PROM1: variants seen among roughly 807,000 people sequenced by gnomAD.
PROM1 encodes the protein prominin-1.
PROM1 carries 105 observed loss-of-function variants against 116.9 expected under a neutral mutation model. The ratio of observed to expected loss-of-function variants is 0.90; its 90% CI spans 0.77 to 1.06. PROM1 has a LOEUF of 1.06. Ranked by LOEUF, PROM1 falls within the 50% of genes least tolerant of loss-of-function variation. The pLI, the probability that PROM1 is intolerant of heterozygous loss-of-function variation, is 0.00. For missense variants in PROM1, 1,122 were observed against 1,045.2 expected (o/e 1.07, Z -1.01); for synonymous variants, 393 against 387.0 (o/e 1.02, Z -0.18).
chr4:16,014,323 G>A (rs945994286), intron 10 of PROM1, among the ~76,000 whole-genome samples: 1 of 152,226 alleles, frequency 6.6e-6, no homozygotes, highest in Admixed American at 6.5e-5. Context: ...CGGTGCTTGT[G>A]TTGGTTTTCT....
At chr4:16,051,920 T>C (rs1352067200) in intron 2 of PROM1, among the ~76,000 whole-genome samples, 1 of 152,172 alleles carries the variant, frequency 6.6e-6, no homozygotes, top group Non-Finnish European at 1.5e-5. Context: ...AATACAAACA[T>C]GACATCTTCT....
intron 9 of PROM1, among the ~76,000 whole-genome samples, chr4:16,016,519 C>T (rs2531155): frequency 0.48 from 72,551 of 152,030 alleles, 19,914 homozygotes; most frequent in East Asian, 0.83. Context: ...GACTTCACAA[C>T]TTCAAATACT....
At chr4:15,994,456 T>C (rs1469685223) in intron 15 of PROM1, among the ~76,000 whole-genome samples, 3 of 152,202 alleles carry the variant, frequency 2.0e-5, no homozygotes, top group Admixed American at 6.5e-5. Context: ...CATTAAATGA[T>C]TCTATGAAGC....
intron 2 of PROM1, among the ~76,000 whole-genome samples, chr4:16,066,926 G>C (rs1741671504): frequency 6.6e-6 from 1 of 152,124 alleles, no homozygotes; most frequent in East Asian, 1.9e-4. Context: ...TATTTATGTA[G>C]GGCAAGATAG....
At chr4:15,972,582 G>A (rs1714867150) in intron 26 of PROM1, among the ~76,000 whole-genome samples, 1 of 152,182 alleles carries the variant, frequency 6.6e-6, no homozygotes, top group Non-Finnish European at 1.5e-5. Flanking sequence ...ATCTCAACAT[G>A]AGTTTTGGAG....
At chr4:16,023,795 C>T (rs183245931) in intron 7 of PROM1, among the ~76,000 whole-genome samples, 8 of 152,202 alleles carry the variant, frequency 5.3e-5, no homozygotes, top group African/African-American at 1.9e-4. Flanking sequence ...GTTGGTAGCA[C>T]TGTCCCCACC....
intron 22 of PROM1, among the ~76,000 whole-genome samples, chr4:15,985,036 TA>T (rs1718977472): frequency 6.6e-6 from 1 of 152,352 alleles, no homozygotes; most frequent in South Asian, 2.1e-4. Flanking sequence ...CGGCCCTCCA[TA>T]TCCCTGAATT....
chr4:15,995,341 G>A (rs115775225), intron 15 of PROM1, among the ~76,000 whole-genome samples: 3,456 of 151,020 alleles, frequency 0.023, 56 homozygotes, highest in South Asian at 0.034. Context: ...CGAAGAAGAC[G>A]AAGAAGAAGA....
chr4:16,030,937 T>C (rs1319719858), intron 5 of PROM1, among the ~76,000 whole-genome samples: 2 of 151,794 alleles, frequency 1.3e-5, no homozygotes, highest in African/African-American at 2.4e-5. Context: ...TCCCAGCTAC[T>C]AGGAAGGCTG....
chr4:15,975,242 C>A (rs116835240), intron 26 of PROM1, among the ~76,000 whole-genome samples: 370 of 152,244 alleles, frequency 2.4e-3, no homozygotes, highest in Middle Eastern at 0.014. Flanking sequence ...TTTATTGAGA[C>A]GGAGTCTCAC....
intron 2 of PROM1, among the ~76,000 whole-genome samples, chr4:16,072,144 G>T (rs1240054595): frequency 6.6e-6 from 1 of 152,044 alleles, no homozygotes; most frequent in Non-Finnish European, 1.5e-5. Context: ...AATCTCTTCT[G>T]CCCAGGAAGT....
intron 12 of PROM1, among the ~76,000 whole-genome samples, chr4:16,006,990 A>G (rs1190636779): frequency 6.6e-6 from 1 of 152,190 alleles, no homozygotes; most frequent in Admixed American, 6.5e-5. Flanking sequence ...AGGGTTCATA[A>G]GCACAGCACA....
intron 13 of PROM1, among the ~76,000 whole-genome samples, chr4:16,005,999 A>G (rs1446674341): frequency 6.6e-6 from 1 of 152,232 alleles, no homozygotes; most frequent in African/African-American, 2.4e-5. Context: ...TGCCGCAGGC[A>G]TACCTCTCCC....
chr4:15,995,365 G>C (rs1055894271), intron 15 of PROM1, among the ~76,000 whole-genome samples: 1 of 150,926 alleles, frequency 6.6e-6, no homozygotes, highest in South Asian at 2.1e-4. Flanking sequence ...AGGAGGAGGA[G>C]GAAAAGAAGA....
chr4:15,992,789 G>C (rs1322369869), intron 16 of PROM1, among the ~76,000 whole-genome samples: 1 of 152,186 alleles, frequency 6.6e-6, no homozygotes, highest in Non-Finnish European at 1.5e-5. Flanking sequence ...AGCTGAAAGG[G>C]ACACAGGGTA....
In PROM1 at chr4:16,067,073, T is replaced by C. The variant is rs1217644969; in HGVS notation, c.220+8614A>G. On this transcript the variant is annotated intron_variant, in intron 2 of 27. Coordinates refer to ENST00000447510, the MANE Select transcript of PROM1 (RefSeq NM_006017.3). Reference sequence around the variant, plus strand: ...AAGATTAGAAGTATCTATTATAATCTGCAGACACGTCACCTGCCACTCAAA... The same window carrying C: ...AAGATTAGAAGTATCTATTATAATCCGCAGACACGTCACCTGCCACTCAAA... Among the ~76,000 whole-genome samples, 141 of 152,340 alleles carry C rather than the reference T, an allele frequency of 9.3e-4. 1 individual carries two copies. Among genetic ancestry groups the C allele is most frequent in the Non-Finnish European group, 1.0e-4 (7 of 68,032 alleles).
In PROM1 at chr4:16,075,922, C is replaced by T; in HGVS notation, c.-16G>A. The T allele has an allele frequency of 6.3e-7, 1 of 1,592,804 alleles. No homozygotes were observed. The highest frequency in any genetic ancestry group is 8.6e-7 in the Non-Finnish European group (1 of 1,167,880). On this transcript the variant is annotated 5_prime_UTR_variant, in exon 2 of 28. Transcript: ENST00000447510. ...CGAGGGCCATAGCTAGCAAGATCCT[C>T]CAAACATGAGGTAGAACTTGGTGCC... is the stretch of plus-strand genomic sequence containing the variant.
chr4:15,999,200 T>G (rs140021506), intron 14 of PROM1, among the ~76,000 whole-genome samples: 4,078 of 151,344 alleles, frequency 0.027, 166 homozygotes, highest in African/African-American at 0.092. Context: ...GGCCGGGCGC[T>G]GTGGCTCACG....
chr4:16,050,986 CAAAAT>C (rs762220312), intron 2 of PROM1, among the ~76,000 whole-genome samples: 2 of 152,116 alleles, frequency 1.3e-5, no homozygotes, highest in Non-Finnish European at 2.9e-5. Flanking sequence ...AGATAGTAAA[CAAAAT>C]AAAGTAGGTG....
Sources: allele counts gnomAD v4.1 joint callset (sites outside exome capture counted in the v4.1 genomes callset), GRCh38; gene constraint gnomAD v4.1.1; transcripts MANE v1.5; gene names NCBI Gene and HGNC (gene_info 2026-07-23, HGNC 2026-07-21).